Variants in CNTNAP5 observed in about 807,000 individuals in gnomAD.
CNTNAP5 encodes contactin-associated protein-like 5.
A neutral mutation model predicts 150.2 loss-of-function variants in CNTNAP5; 72 were observed. The observed-to-expected ratio is 0.48, with a 90% CI of 0.40 to 0.58. CNTNAP5 has a LOEUF of 0.58. Among genes scored for constraint, CNTNAP5 ranks in the 20% least tolerant of loss-of-function variants. The probability of loss-of-function intolerance (pLI) is 0.00; values close to 1 mark genes in which losing one functional copy is unlikely to be tolerated. For synonymous variants in CNTNAP5, 672 were observed against 619.8 expected (o/e 1.08, Z -1.25); for missense variants, 1,636 against 1,626.2 (o/e 1.01, Z -0.10).
In CNTNAP5 at chr2:124,764,106, A is replaced by G. The variant is rs1219159940; in HGVS notation, c.2492A>G (p.Glu831Gly). 1.2e-6 allele frequency: 2 copies of G among 1,613,204 alleles called. No individual in the cohort carries two copies. Among genetic ancestry groups the G allele is most frequent in the Non-Finnish European group, 1.7e-6 (2 of 1,179,332 alleles). Residue 831 changes from glutamate (E) to glycine (G), a missense_variant, in exon 16 of 24, where the codon GAA becomes GGA. Physicochemically the swap from Glu to Gly is moderately conservative, Grantham distance 98 (BLOSUM62 -2). Coordinates refer to ENST00000682447, the MANE Select transcript of CNTNAP5 (RefSeq NM_001367498.1). Reference protein sequence around the residue: ...KTTALSGVFLENLGIKDFIRL... With the variant: ...KTTALSGVFLGNLGIKDFIRL... ...ACAGCATTATCCGGAGTTTTCCTAG[A>G]AAATCTTGGCATTAAAGACTTCATT...
At chr2:124,314,486 A>C (rs1688916750) in intron 3 of CNTNAP5, among the ~76,000 whole-genome samples, 1 of 152,158 alleles carries the variant, frequency 6.6e-6, no homozygotes. Context: ...TGAGGCACCA[A>C]TTGACTAAAT....
chr2:124,720,199 G>A (rs1437455832), intron 13 of CNTNAP5, among the ~76,000 whole-genome samples: 6 of 152,074 alleles, frequency 3.9e-5, no homozygotes, highest in Non-Finnish European at 8.8e-5. Flanking sequence ...CATAAACTGG[G>A]CTTCAATTCC....
At chr2:124,406,281 T>A (rs539772295) in intron 3 of CNTNAP5, among the ~76,000 whole-genome samples, 1 of 152,230 alleles carries the variant, frequency 6.6e-6, no homozygotes, top group Admixed American at 6.5e-5. Context: ...TAATGTATAA[T>A]CTGTAGTTGT....
chr2:124,920,741 A>G lies in CNTNAP5; in HGVS notation c.*6453A>G, dbSNP rs1054682017. The stretch of plus-strand genomic sequence containing the variant: ...ATTTACAAAATCTAATTTAGTTCAT[A>G]GGTTACGGTTTGCTGATTCCTAAGA... On this transcript the variant is annotated 3_prime_UTR_variant, in exon 24 of 24. Transcript: ENST00000682447. Among the ~76,000 whole-genome samples the G allele has an allele frequency of 6.6e-6, 1 of 152,134 alleles. No individual in the cohort carries two copies. The highest frequency in any genetic ancestry group is 2.4e-5 in the African/African-American group (1 of 41,446).
chr2:124,862,402 T>C (rs183614178), intron 19 of CNTNAP5, among the ~76,000 whole-genome samples: 1 of 152,306 alleles, frequency 6.6e-6, no homozygotes, highest in Admixed American at 6.5e-5. Flanking sequence ...CAATTCACTG[T>C]CTGTGGAATT....
chr2:124,706,995 AGAG>A (rs1316489941), intron 13 of CNTNAP5, among the ~76,000 whole-genome samples: 1 of 128,364 alleles, frequency 7.8e-6, no homozygotes, highest in Non-Finnish European at 1.7e-5. Context: ...GAGAAGGAGA[AGAG>A]GAAGAAGAAG....
chr2:124,358,243 C>G (rs1041178681), intron 3 of CNTNAP5, among the ~76,000 whole-genome samples: 5 of 151,946 alleles, frequency 3.3e-5, no homozygotes, highest in Non-Finnish European at 7.4e-5. Flanking sequence ...ATCATGTCAT[C>G]TGCAAACAGG....
chr2:124,089,177 T>G (rs938272895), intron 1 of CNTNAP5, among the ~76,000 whole-genome samples: 3 of 152,188 alleles, frequency 2.0e-5, no homozygotes, highest in Non-Finnish European at 2.9e-5. Context: ...ATATGCTTAT[T>G]TTTATTAGAA....
chr2:124,120,769 C>G (rs927168345), intron 1 of CNTNAP5, among the ~76,000 whole-genome samples: 1 of 152,086 alleles, frequency 6.6e-6, no homozygotes, highest in Non-Finnish European at 1.5e-5. Context: ...CAATACTGGT[C>G]TTACAAGAAA....
intron 19 of CNTNAP5, among the ~76,000 whole-genome samples, chr2:124,833,470 T>A (rs1372082878): frequency 6.6e-6 from 1 of 152,136 alleles, no homozygotes; most frequent in Admixed American, 6.6e-5. Context: ...TGGGACACCA[T>A]GATTGTTGAC....
At chr2:124,256,149 G>C (rs1687309029) in intron 3 of CNTNAP5, among the ~76,000 whole-genome samples, 1 of 152,032 alleles carries the variant, frequency 6.6e-6, no homozygotes, top group South Asian at 2.1e-4. Context: ...TGTTGTTCTA[G>C]AGTAATTATT....
At chr2:124,506,362 C>T (rs946492164) in intron 8 of CNTNAP5, among the ~76,000 whole-genome samples, 1 of 152,090 alleles carries the variant, frequency 6.6e-6, no homozygotes, top group Non-Finnish European at 1.5e-5. Flanking sequence ...TAAACAATTG[C>T]CTGGAGCATG....
chr2:124,480,359 T>C (rs1345685271), intron 7 of CNTNAP5, among the ~76,000 whole-genome samples: 2 of 152,224 alleles, frequency 1.3e-5, no homozygotes, highest in Admixed American at 1.3e-4. Context: ...TTTCTTGAAG[T>C]ATGTTGCCCT....
At chr2:124,309,265 G>A (rs1177475069) in intron 3 of CNTNAP5, among the ~76,000 whole-genome samples, 5 of 152,264 alleles carry the variant, frequency 3.3e-5, no homozygotes, top group Admixed American at 6.5e-5. Flanking sequence ...ACCTAGGAAA[G>A]GAAAACTGGA....
chr2:124,907,484 T>A (rs1002675647), intron 22 of CNTNAP5, among the ~76,000 whole-genome samples: 2 of 148,634 alleles, frequency 1.3e-5, no homozygotes, highest in African/African-American at 4.9e-5. Context: ...TCTATAAGAA[T>A]AGATATATAG....
intron 3 of CNTNAP5, among the ~76,000 whole-genome samples, chr2:124,295,635 A>C (rs1442696105): frequency 1.3e-5 from 2 of 152,272 alleles, no homozygotes; most frequent in East Asian, 3.8e-4. Flanking sequence ...GCTTACAACA[A>C]ATATTTTGTC....
At chr2:124,633,983 G>A (rs762550399) in intron 12 of CNTNAP5, among the ~76,000 whole-genome samples, 13 of 152,154 alleles carry the variant, frequency 8.5e-5, no homozygotes, top group Non-Finnish European at 1.3e-4. Flanking sequence ...CCCTGGTCCC[G>A]ACCCATGAAA....
At chr2:124,351,019 C>T (rs893145586) in intron 3 of CNTNAP5, among the ~76,000 whole-genome samples, 4 of 152,174 alleles carry the variant, frequency 2.6e-5, no homozygotes, top group African/African-American at 7.2e-5. Flanking sequence ...CACTGGCTTA[C>T]ACTCTTCTGT....
chr2:124,885,703 A>C (rs1233993649), intron 21 of CNTNAP5, among the ~76,000 whole-genome samples: 1 of 151,838 alleles, frequency 6.6e-6, no homozygotes, highest in Non-Finnish European at 1.5e-5. Context: ...ATTTCCTATA[A>C]ATGGAACCAT....
Sources: allele counts gnomAD v4.1 joint callset (sites outside exome capture counted in the v4.1 genomes callset), GRCh38; gene constraint gnomAD v4.1.1; transcripts MANE v1.5; gene names NCBI Gene and HGNC (gene_info 2026-07-23, HGNC 2026-07-21).